Variants in CERKL observed in about 807,000 individuals in gnomAD.
The protein encoded by CERKL is CERK like autophagy regulator.
A neutral mutation model predicts 63.4 loss-of-function variants in CERKL; 61 were observed. The observed-to-expected ratio is 0.96, with a 90% confidence interval of 0.78 to 1.19. The LOEUF (loss-of-function observed/expected upper bound fraction) is 1.19, where lower values mean the gene tolerates loss of function less well. Among genes scored for constraint, CERKL ranks in the 50% most tolerant of loss-of-function variants. The probability of loss-of-function intolerance (pLI) is 0.00; values close to 1 mark genes in which losing one functional copy is unlikely to be tolerated. For synonymous variants in CERKL, 250 were observed against 230.5 expected, an observed-to-expected ratio of 1.08 and a Z score of -0.77; for missense variants, 675 against 655.5, an observed-to-expected ratio of 1.03 and a Z score of -0.33.
intron 2 of CERKL, among the ~76,000 whole-genome samples, chr2:181,585,255 C>T (rs1441405888): frequency 6.6e-6 from 1 of 152,112 alleles, no homozygotes; most frequent in Non-Finnish European, 1.5e-5. Context: ...GCTATGTTTA[C>T]TAGTTCCTAG....
intron 4 of CERKL, among the ~76,000 whole-genome samples, chr2:181,559,120 C>T (rs1688328251): frequency 6.6e-6 from 1 of 152,090 alleles, no homozygotes; most frequent in African/African-American, 2.4e-5. Flanking sequence ...CAATAAAGCT[C>T]TGAAAAGACA....
intron 2 of CERKL, among the ~76,000 whole-genome samples, chr2:181,582,233 G>T (rs1408191426): frequency 1.3e-5 from 2 of 152,100 alleles, no homozygotes; most frequent in Non-Finnish European, 2.9e-5. Context: ...CTCTTGAGTG[G>T]GATTGTAATG....
chr2:181,614,707 C>T (rs1464758629), intron 1 of CERKL, among the ~76,000 whole-genome samples: 1 of 152,092 alleles, frequency 6.6e-6, no homozygotes, highest in East Asian at 1.9e-4. Flanking sequence ...GTAAAAGCTA[C>T]ATTTCCATAT....
intron 11 of CERKL, among the ~76,000 whole-genome samples, chr2:181,540,014 T>A (rs1252085229): frequency 6.6e-6 from 1 of 152,090 alleles, no homozygotes; most frequent in Non-Finnish European, 1.5e-5. Flanking sequence ...TAATTAAACA[T>A]CATCTACATA....
chr2:181,582,153 T>A (rs1684540408), intron 2 of CERKL, among the ~76,000 whole-genome samples: 1 of 152,198 alleles, frequency 6.6e-6, no homozygotes, highest in South Asian at 2.1e-4. Flanking sequence ...CATCAATCCC[T>A]TGGCCATCAC....
In CERKL at chr2:181,565,923, A is replaced by G. The variant is rs1044899788; in HGVS notation, c.677+135T>C. ...ATTATCATTAATTATTATTACATAG[A>G]TATGAACAAGATAGAGCCAAAGTAC... On this transcript the variant is annotated intron_variant, in intron 4 of 12. Coordinates refer to ENST00000410087, the MANE Select transcript of CERKL (RefSeq NM_201548.5). The G allele has an allele frequency of 1.5e-5, 10 of 647,552 alleles. No individual in the cohort carries two copies. The African/African-American group carries it at 1.6e-4, about 11-fold the overall frequency. 40.1% of individuals were successfully genotyped at this position (647,552 alleles called of 1,614,324 possible).
At chr2:181,567,292 C>T (rs1002510157) in intron 3 of CERKL, among the ~76,000 whole-genome samples, 4 of 151,956 alleles carry the variant, frequency 2.6e-5, no homozygotes, top group African/African-American at 9.7e-5. Context: ...GTACTTACAA[C>T]CTTAAAATGC....
At chr2:181,610,495 C>T (rs978084130) in intron 1 of CERKL, among the ~76,000 whole-genome samples, 2 of 152,168 alleles carry the variant, frequency 1.3e-5, no homozygotes. Context: ...AAGCAATATT[C>T]ATGCTCTTCA....
chr2:181,599,043 T>C (rs1467012653), intron 2 of CERKL, among the ~76,000 whole-genome samples: 1 of 152,052 alleles, frequency 6.6e-6, no homozygotes, highest in African/African-American at 2.4e-5. Context: ...CCTAACCAAG[T>C]TGAAAACTTT....
intron 1 of CERKL, among the ~76,000 whole-genome samples, chr2:181,613,331 G>T (rs1686055273): frequency 6.6e-6 from 1 of 152,196 alleles, no homozygotes; most frequent in African/African-American, 2.4e-5. Flanking sequence ...CAGCAAGACA[G>T]CATATGTATA....
intron 2 of CERKL, among the ~76,000 whole-genome samples, chr2:181,597,807 C>A (rs1682766377): frequency 6.6e-6 from 1 of 152,184 alleles, no homozygotes; most frequent in Admixed American, 6.5e-5. Context: ...TACCTCATAA[C>A]CTGTTCTGAC....
chr2:181,629,218 G>T (rs1254202338), intron 1 of CERKL, among the ~76,000 whole-genome samples: 4 of 152,028 alleles, frequency 2.6e-5, no homozygotes, highest in Non-Finnish European at 4.4e-5. Context: ...GAAGCAGAAT[G>T]CCTAACCAAA....
rs567523882 is a variant in CERKL, at chr2:181,578,017, ACC to A, written c.482-4135_482-4134del. On this transcript the variant is annotated intron_variant, in intron 2 of 12. Transcript: ENST00000410087. The stretch of plus-strand genomic sequence containing the variant: ...ACTGCAAACATTCTATATTTGAGAA[ACC>A]CACGCTCATGCTAGACTGCTTTCTC... Among the ~76,000 whole-genome samples the A allele has an allele frequency of 1.1e-4, 17 of 152,176 alleles. 1 individual carries two copies. In the South Asian group the frequency reaches 3.1e-3, roughly 28 times the overall value.
Position 181,550,297 on chromosome 2 carries a change from A to T in CERKL, c.821-589T>A, listed in dbSNP as rs891339982. 5.3e-5 allele frequency among the ~76,000 whole-genome samples: 8 copies of T among 152,156 alleles called. No homozygotes were observed. Among genetic ancestry groups the T allele is most frequent in the Non-Finnish European group, 1.0e-4 (7 of 68,024 alleles). On this transcript the variant is annotated intron_variant, in intron 5 of 12. Coordinates refer to ENST00000410087, the MANE Select transcript of CERKL (RefSeq NM_201548.5). The surrounding 1 kb of genome is among the most constrained non-coding windows in gnomAD (Gnocchi z 4.5). ...TTTAATTCAATTGTATTTCCCATGTATGAAGATTTGTATTTGAAACATTAT... is the reference window on the plus strand; with the variant it reads ...TTTAATTCAATTGTATTTCCCATGTTTGAAGATTTGTATTTGAAACATTAT...
In CERKL at chr2:181,537,458, T is replaced by TACCA. The variant is rs1553511398; in HGVS notation, c.*722_*725dup. ...ACTTGTATCATGAATTTTAAAACCC[T>TACCA]ACCACTTTAAGAAGACAGGGATGGG... On this transcript the variant is annotated 3_prime_UTR_variant, in exon 13 of 13. Coordinates refer to ENST00000410087, the MANE Select transcript of CERKL (RefSeq NM_201548.5). The TACCA allele has an allele frequency of 2.2e-6, 1 of 453,772 alleles. No homozygotes were observed. Among genetic ancestry groups the TACCA allele is most frequent in the African/African-American group, 2.0e-5 (1 of 49,948 alleles). The allele number at this position is 453,772 out of a possible 1,614,324, so 28.1% of individuals were successfully genotyped here.
At chr2:181,543,005 T>C (rs989982223) in intron 11 of CERKL, among the ~76,000 whole-genome samples, 2 of 152,122 alleles carry the variant, frequency 1.3e-5, no homozygotes, top group Admixed American at 6.5e-5. Flanking sequence ...AACATACACC[T>C]CCCCAAAATA....
intron 1 of CERKL, among the ~76,000 whole-genome samples, chr2:181,618,585 T>G (rs1227217917): frequency 3.3e-5 from 5 of 152,028 alleles, no homozygotes; most frequent in East Asian, 1.9e-4. Flanking sequence ...ACCTGGCTAA[T>G]TTTTGTATTT....
At chr2:181,605,130 A>G (rs1685625165) in intron 1 of CERKL, among the ~76,000 whole-genome samples, 1 of 152,234 alleles carries the variant, frequency 6.6e-6, no homozygotes, top group Admixed American at 6.5e-5. Context: ...AGTGAAGCCG[A>G]AGAGGAGGAA....
chr2:181,591,917 T>C (rs967571764), intron 2 of CERKL, among the ~76,000 whole-genome samples: 5 of 152,198 alleles, frequency 3.3e-5, no homozygotes, highest in South Asian at 2.1e-4. Flanking sequence ...GAGAAATGGC[T>C]GATTCCTGGG....
Sources: allele counts gnomAD v4.1 joint callset (sites outside exome capture counted in the v4.1 genomes callset), GRCh38; gene constraint gnomAD v4.1.1; non-coding constraint Gnocchi (gnomAD v3.1); transcripts MANE v1.5; gene names NCBI Gene and HGNC (gene_info 2026-07-23, HGNC 2026-07-21).